The following ABCA13 variants were observed in gnomAD, a reference collection of about 807,000 sequenced individuals.
ABCA13 encodes the protein ATP-binding cassette sub-family A member 13.
In ABCA13, 476 loss-of-function variants were observed where a neutral mutation model predicts 478.7. The ratio of observed to expected loss-of-function variants is 0.99; its 90% CI spans 0.92 to 1.07. The LOEUF (loss-of-function observed/expected upper bound fraction) is 1.07. Among genes scored for constraint, ABCA13 ranks in the 50% least tolerant of loss-of-function variants. ABCA13 has a pLI of 0.00. For missense variants in ABCA13, 6,060 were observed against 5,910.6 expected (o/e 1.03, Z -0.83); for synonymous variants, 2,252 against 2,158.9 (o/e 1.04, Z -1.20).
At chr7:48,411,049 T>TTTTCTTTC (rs745373350) in intron 40 of ABCA13, among the ~76,000 whole-genome samples, 2 of 64,992 alleles carry the variant, frequency 3.1e-5, no homozygotes, top group African/African-American at 1.0e-4. Flanking sequence ...CTTTCTTTCT[T>TTTTCTTTC]TTTCTTTCTT....
intron 25 of ABCA13, among the ~76,000 whole-genome samples, chr7:48,313,993 G>T (rs1423639723): frequency 6.6e-6 from 1 of 151,978 alleles, no homozygotes; most frequent in African/African-American, 2.4e-5. Flanking sequence ...ATGTGTGTGT[G>T]TGTGTGTGTG....
intron 35 of ABCA13, among the ~76,000 whole-genome samples, chr7:48,379,242 T>G (rs911702228): frequency 2.6e-5 from 4 of 152,214 alleles, no homozygotes; most frequent in African/African-American, 9.6e-5. Context: ...CACAAAGTAT[T>G]TCTTTTCCAC....
At chr7:48,197,952 T>C (rs1798161351) in intron 2 of ABCA13, among the ~76,000 whole-genome samples, 1 of 152,162 alleles carries the variant, frequency 6.6e-6, no homozygotes, top group Non-Finnish European at 1.5e-5. Context: ...ATCAGGGTTA[T>C]TTCCACTCAG....
At chr7:48,312,614 C>T (rs1386895743) in intron 24 of ABCA13, among the ~76,000 whole-genome samples, 1 of 152,188 alleles carries the variant, frequency 6.6e-6, no homozygotes, top group Admixed American at 6.5e-5. Context: ...CCAGTTTTCT[C>T]ATCCACAAAA....
chr7:48,415,323 TG>T (rs1394524694), intron 41 of ABCA13, among the ~76,000 whole-genome samples: 5 of 152,258 alleles, frequency 3.3e-5, no homozygotes, highest in South Asian at 2.1e-4. Context: ...ATAATTTTTT[TG>T]GGGGGTTATC....
At chr7:48,565,695 C>A (rs1403453017) in intron 55 of ABCA13, among the ~76,000 whole-genome samples, 1 of 152,036 alleles carries the variant, frequency 6.6e-6, no homozygotes, top group Admixed American at 6.6e-5. Context: ...ATTCCTAATC[C>A]ATATGTAAGA....
chr7:48,191,271 T>C (rs1052393012), intron 1 of ABCA13, among the ~76,000 whole-genome samples: 5 of 152,258 alleles, frequency 3.3e-5, no homozygotes, highest in Non-Finnish European at 5.9e-5. Context: ...GAGGGTGATC[T>C]GCAGGCATTT....
chr7:48,561,892 G>T (rs1786493787), intron 55 of ABCA13, among the ~76,000 whole-genome samples: 1 of 151,654 alleles, frequency 6.6e-6, no homozygotes, highest in East Asian at 1.9e-4. Flanking sequence ...AATCTATTTT[G>T]AATTGAGTTT....
chr7:48,284,204 C>T (rs1268347541), intron 19 of ABCA13, among the ~76,000 whole-genome samples: 1 of 152,056 alleles, frequency 6.6e-6, no homozygotes, highest in Non-Finnish European at 1.5e-5. Flanking sequence ...GTTGTTTGAA[C>T]AGAAGAATTG....
intron 15 of ABCA13, among the ~76,000 whole-genome samples, chr7:48,254,364 A>G (rs1390749795): frequency 6.6e-6 from 1 of 152,122 alleles, no homozygotes; most frequent in Non-Finnish European, 1.5e-5. Flanking sequence ...ATGAGGCTCA[A>G]GTGATCCTTT....
In ABCA13 at chr7:48,602,709, T is replaced by A. The variant is rs527265517; in HGVS notation, c.14744+7896T>A. Among the ~76,000 whole-genome samples, 7 of 152,174 alleles carry A rather than the reference T, an allele frequency of 4.6e-5. No homozygotes were observed. In the East Asian group the frequency reaches 1.3e-3, roughly 29 times the overall value. On this transcript the variant is annotated intron_variant, in intron 58 of 61. Transcript: ENST00000435803. ...TTAGGATTGTCTTGGTTACGCGGGC[T>A]CTTTTTTGGTTCCATATGAAATTTA...
intron 55 of ABCA13, among the ~76,000 whole-genome samples, chr7:48,550,265 C>CTTTCTTTTTTTT (rs749610273): frequency 2.0e-5 from 3 of 148,330 alleles, no homozygotes; most frequent in African/African-American, 7.5e-5. Context: ...CTCTATTTTT[C>CTTTCTTTTTTTT]TTTTTTTTGG....
At chr7:48,584,015 T>G (rs978472715) in intron 56 of ABCA13, among the ~76,000 whole-genome samples, 1 of 152,230 alleles carries the variant, frequency 6.6e-6, no homozygotes, top group Non-Finnish European at 1.5e-5. Flanking sequence ...GTTTCCTAAC[T>G]TCATAAAAAT....
At chr7:48,535,879 A>G (rs1461605735) in intron 55 of ABCA13, among the ~76,000 whole-genome samples, 2 of 152,162 alleles carry the variant, frequency 1.3e-5, no homozygotes, top group Non-Finnish European at 2.9e-5. Flanking sequence ...TCCCAACAGC[A>G]TCAAGTCAAT....
chr7:48,271,038 C>T (rs1430342981), intron 16 of ABCA13, among the ~76,000 whole-genome samples: 1 of 152,146 alleles, frequency 6.6e-6, no homozygotes, highest in African/African-American at 2.4e-5. Flanking sequence ...CAGGGCTGTC[C>T]CAGCCCTCAC....
In ABCA13 at chr7:48,248,310, C is replaced by T; in HGVS notation, c.1731C>T (p.Asp577=). ...TTTTAATACCTGAAGAATATTTGGACTGGCAGGAACTTGAGATGCAGCTGT... is the reference window on the plus strand; with the variant it reads ...TTTTAATACCTGAAGAATATTTGGATTGGCAGGAACTTGAGATGCAGCTGT... ...MSVLIPEEYL[D]WQELEMQLSE... is the part of the protein sequence containing the mutation. Residue 577 remains aspartate, a synonymous_variant, in exon 14 of 62, where the codon GAC becomes GAT. Coordinates refer to ENST00000435803, the MANE Select transcript of ABCA13 (RefSeq NM_152701.5). 6.2e-7 allele frequency: 1 copy of T among 1,613,882 alleles called. No homozygotes were observed. The highest frequency in any genetic ancestry group is 1.3e-5 in the African/African-American group (1 of 75,044).
intron 59 of ABCA13, among the ~76,000 whole-genome samples, chr7:48,639,443 T>C (rs1794938517): frequency 6.6e-6 from 1 of 152,172 alleles, no homozygotes; most frequent in African/African-American, 2.4e-5. Context: ...CAATGTAGTC[T>C]GAGGCAGCGG....
At chr7:48,192,181 G>A (rs1186320077) in intron 1 of ABCA13, among the ~76,000 whole-genome samples, 2 of 151,130 alleles carry the variant, frequency 1.3e-5, no homozygotes, top group Admixed American at 1.3e-4. Context: ...ATACCTTATA[G>A]GTGGTGTTTT....
At chr7:48,478,293 TTATA>T (rs3078321) in intron 45 of ABCA13, among the ~76,000 whole-genome samples, 1 of 132,852 alleles carries the variant, frequency 7.5e-6, no homozygotes, top group East Asian at 2.3e-4. Context: ...ATATATCATT[TTATA>T]TATATATATA....
Sources: gnomAD v4.1 joint callset for allele counts (sites outside exome capture counted in the v4.1 genomes callset) on GRCh38, gnomAD v4.1.1 for gene constraint, MANE v1.5 for transcripts, NCBI Gene and HGNC (gene_info 2026-07-23, HGNC 2026-07-21) for gene names.